The following DENND1A variants were observed in gnomAD, a reference collection of about 807,000 sequenced individuals.
The protein encoded by DENND1A is DENN domain containing 1A, also known as DENN domain-containing protein 1A.
DENND1A carries 51 observed loss-of-function variants against 113.7 expected under a neutral mutation model. The observed-to-expected ratio is 0.45, with a 90% CI of 0.36 to 0.57. The LOEUF is 0.57. Ranked by LOEUF, DENND1A falls within the 20% of genes least tolerant of loss-of-function variation. The pLI is 0.00. For missense variants in DENND1A, 1,258 were observed against 1,395.9 expected, an observed-to-expected ratio of 0.90 and a Z score of 1.57; for synonymous variants, 565 against 570.8, an observed-to-expected ratio of 0.99 and a Z score of 0.14.
At chr9:123,452,811 A>G (rs1309114327) in intron 16 of DENND1A, among the ~76,000 whole-genome samples, 3 of 152,192 alleles carry the variant, frequency 2.0e-5, no homozygotes, top group Non-Finnish European at 2.9e-5. Context: ...TCGTTGGGAA[A>G]TACATTGCCC....
At chr9:123,796,980 G>A (rs1833880716) in intron 2 of DENND1A, among the ~76,000 whole-genome samples, 1 of 152,058 alleles carries the variant, frequency 6.6e-6, no homozygotes, top group Non-Finnish European at 1.5e-5. Flanking sequence ...AAATTTAAGA[G>A]AAACTGCAAA....
chr9:123,570,856 G>A (rs1171260369), intron 12 of DENND1A, among the ~76,000 whole-genome samples: 1 of 152,174 alleles, frequency 6.6e-6, no homozygotes, highest in Non-Finnish European at 1.5e-5. Context: ...AGAGTCTGAG[G>A]GTTCTGGGCC....
chr9:123,496,994 C>T (rs2051985792), intron 13 of DENND1A, among the ~76,000 whole-genome samples: 1 of 152,192 alleles, frequency 6.6e-6, no homozygotes, highest in Non-Finnish European at 1.5e-5. Context: ...CTGGTATGTT[C>T]CAGCCACACA....
At chr9:123,646,866 C>T (rs912815343) in intron 9 of DENND1A, among the ~76,000 whole-genome samples, 1 of 152,106 alleles carries the variant, frequency 6.6e-6, no homozygotes, top group African/African-American at 2.4e-5. Context: ...ACAGACGGTT[C>T]ATCCACAAAG....
At chr9:123,611,088 C>T (rs1004428746) in intron 10 of DENND1A, among the ~76,000 whole-genome samples, 1 of 152,182 alleles carries the variant, frequency 6.6e-6, no homozygotes, top group African/African-American at 2.4e-5. Context: ...GCTCAGTTTG[C>T]TAACTATTCT....
intron 10 of DENND1A, among the ~76,000 whole-genome samples, chr9:123,620,213 CAAA>C (rs34196587): frequency 8.5e-5 from 5 of 59,052 alleles, no homozygotes; most frequent in Non-Finnish European, 1.1e-4. Context: ...GACTCCATCT[CAAA>C]AAAAAAAAAA....
At chr9:123,440,981 T>G (rs2046890251) in intron 18 of DENND1A, among the ~76,000 whole-genome samples, 1 of 152,234 alleles carries the variant, frequency 6.6e-6, no homozygotes, top group Non-Finnish European at 1.5e-5. Context: ...AATATTCTAC[T>G]ACTATTGGGC....
At chr9:123,387,037 T>G (rs1564401124) in intron 22 of DENND1A, among the ~76,000 whole-genome samples, 4 of 152,224 alleles carry the variant, frequency 2.6e-5, no homozygotes, top group Admixed American at 2.6e-4. Flanking sequence ...AAGGCTCCCA[T>G]TAAAAACACA....
Position 123,560,662 on chromosome 9 carries a change from C to T in DENND1A, c.868-2967G>A, listed in dbSNP as rs1043394161. ...CTATGATTGCACCGTGGCACTCCAG[C>T]CTGGGTGACAGAGTGAGACCCTGTC... On this transcript the variant is annotated intron_variant, in intron 12 of 23. Coordinates refer to ENST00000394215, the MANE Select transcript of DENND1A (RefSeq NM_001352964.2). Among the ~76,000 whole-genome samples, 4 of 149,658 alleles carry T rather than the reference C, an allele frequency of 2.7e-5. No individual in the cohort carries two copies. The South Asian group carries it at 8.5e-4, about 32-fold the overall frequency.
intron 2 of DENND1A, among the ~76,000 whole-genome samples, chr9:123,816,247 C>A (rs1025086947): frequency 1.3e-5 from 2 of 152,094 alleles, no homozygotes; most frequent in African/African-American, 2.4e-5. Flanking sequence ...AGTGATCTGC[C>A]AGCCTTGGCA....
chr9:123,387,520 C>T lies in DENND1A; in HGVS notation c.1760+210G>A, dbSNP rs184239470. On this transcript the variant is annotated intron_variant, in intron 22 of 23. Transcript: ENST00000394215. ...CCTGTCACCTCTCTATTGTCACAGC[C>T]TCTGTGGAGCTGGCAAAACGGATGC... 3.5e-3 allele frequency among the ~76,000 whole-genome samples: 532 copies of T among 152,328 alleles called. 3 individuals carry two copies. Among genetic ancestry groups the T allele is most frequent in the Non-Finnish European group, 6.3e-3 (429 of 68,032 alleles).
intron 1 of DENND1A, among the ~76,000 whole-genome samples, chr9:123,888,963 TG>T (rs1267075122): frequency 2.6e-5 from 3 of 116,698 alleles, no homozygotes; most frequent in Admixed American, 8.6e-5. Flanking sequence ...AAACTGTGTG[TG>T]TGTGTGTGTG....
chr9:123,812,635 T>C (rs1168176436), intron 2 of DENND1A, among the ~76,000 whole-genome samples: 1 of 152,202 alleles, frequency 6.6e-6, no homozygotes, highest in Non-Finnish European at 1.5e-5. Flanking sequence ...TGACATTTTC[T>C]GCCACTCTCA....
intron 21 of DENND1A, among the ~76,000 whole-genome samples, chr9:123,389,576 C>T (rs973037454): frequency 6.6e-6 from 1 of 152,242 alleles, no homozygotes; most frequent in African/African-American, 2.4e-5. Context: ...ACCCTCCATA[C>T]AGCCACCAGA....
At chr9:123,846,680 A>T (rs76400833) in intron 2 of DENND1A, among the ~76,000 whole-genome samples, 5,474 of 152,304 alleles carry the variant, frequency 0.036, 104 homozygotes, top group Middle Eastern at 0.048. Context: ...AGGATAGAGG[A>T]TACCAGAGGT....
At chr9:123,630,663 A>G (rs2061436716) in intron 9 of DENND1A, among the ~76,000 whole-genome samples, 187 bp from the exon 10 acceptor site, 2 of 152,324 alleles carry the variant, frequency 1.3e-5, no homozygotes, top group Middle Eastern at 3.4e-3. Flanking sequence ...TTTTCAAAAA[A>G]TCTTTTTTTC....
intron 13 of DENND1A, among the ~76,000 whole-genome samples, chr9:123,501,582 C>G (rs2052488380): frequency 6.6e-6 from 1 of 152,224 alleles, no homozygotes; most frequent in South Asian, 2.1e-4. Context: ...TTCCCATCAA[C>G]AGTACCCAAA....
intron 13 of DENND1A, among the ~76,000 whole-genome samples, chr9:123,522,956 C>G (rs1447283411): frequency 6.6e-6 from 1 of 152,224 alleles, no homozygotes; most frequent in East Asian, 1.9e-4. Flanking sequence ...GCTAGGAATA[C>G]AGACGTGAAT....
At chr9:123,480,368 C>T (rs566594732) in intron 13 of DENND1A, among the ~76,000 whole-genome samples, 91 of 152,310 alleles carry the variant, frequency 6.0e-4, no homozygotes, top group African/African-American at 1.9e-3. Flanking sequence ...GCGTGCCAGC[C>T]CCCCAAGGCC....
Sources: gnomAD v4.1 joint callset for allele counts (sites outside exome capture counted in the v4.1 genomes callset) on GRCh38, gnomAD v4.1.1 for gene constraint, MANE v1.5 for transcripts, NCBI Gene and HGNC (gene_info 2026-07-23, HGNC 2026-07-21) for gene names.